TMEM63A: variants seen among roughly 807,000 people sequenced by gnomAD.
TMEM63A encodes the protein transmembrane protein 63A, also known as mechanosensitive cation channel TMEM63A.
Under a neutral mutation model 100.6 loss-of-function variants are expected in TMEM63A, and 76 were observed. The ratio of observed to expected loss-of-function variants is 0.76; its 90% CI spans 0.63 to 0.91. The LOEUF (loss-of-function observed/expected upper bound fraction) is 0.91. Among genes scored for constraint, TMEM63A ranks in the 40% least tolerant of loss-of-function variants. TMEM63A has a pLI of 0.00. For synonymous variants in TMEM63A, 401 were observed against 401.1 expected (o/e 1.00, Z 0.00); for missense variants, 876 against 1,008.8 (o/e 0.87, Z 1.78).
In TMEM63A at chr1:225,847,227, G is replaced by A. The variant is rs757048140; in HGVS notation, c.2251-14C>T. ...AGGCACGTAGGGCTGTCAGCAAATG[G>A]ATTTGTGCTTGGCCTGGACAGGCAT... On this transcript the variant is annotated splice_polypyrimidine_tract_variant and intron_variant, in intron 23 of 24. Coordinates refer to ENST00000366835, the MANE Select transcript of TMEM63A (RefSeq NM_014698.3). 6.2e-7 allele frequency: 1 copy of A among 1,611,180 alleles called. No individual in the cohort carries two copies. The highest frequency in any genetic ancestry group is 2.2e-5 in the East Asian group (1 of 44,824).
chr1:225,881,581 T>G, intron 1 of TMEM63A, among the ~76,000 whole-genome samples: 1 of 152,080 alleles, frequency 6.6e-6, no homozygotes, highest in East Asian at 1.9e-4. Context: ...CATATCCCCC[T>G]TGAAGGCACA....
At position 225,847,124 on chromosome 1, in the gene TMEM63A, G is replaced by C. The variant is rs751823909; in HGVS notation, c.2340C>G (p.Ile780Met). ...CAGGGATAGTCCCGCTGATGTTGTG[G>C]ATGGCACCATAGGTCTGCTGCTGCT... Reference protein sequence around the residue: ...QQQQQQTYGAIHNISGTIPGQ... With the variant: ...QQQQQQTYGAMHNISGTIPGQ... The change falls in exon 24 of 25, where the codon ATC becomes ATG. Residue 780 changes from isoleucine to methionine, a missense_variant. Physicochemically the swap from Ile to Met is conservative, Grantham distance 10 (BLOSUM62 1). Around this residue, in one of 5 missense-constraint regions of TMEM63A, gnomAD observed 339 missense variants for 342.3 expected, o/e 0.99. Coordinates refer to ENST00000366835, the MANE Select transcript of TMEM63A (RefSeq NM_014698.3). The C allele has an allele frequency of 4.0e-5, 64 of 1,613,638 alleles. No individual in the cohort carries two copies. Among genetic ancestry groups the C allele is most frequent in the Non-Finnish European group, 5.2e-5 (61 of 1,179,962 alleles).
rs1198035270 is a variant in TMEM63A at position 225,852,740 on chromosome 1, G to C, written c.1827C>G (p.Ala609=). 6.2e-7 allele frequency: 1 copy of C among 1,613,944 alleles called. No homozygotes were observed. Among genetic ancestry groups the C allele is most frequent in the Admixed American group, 1.7e-5 (1 of 59,996 alleles). ...AGACACACAGCATCCATGCATACAT[G>C]GCTCCAAACTCGTACTGGAAGGCCT... is the stretch of plus-strand genomic sequence containing the variant. The part of the protein sequence containing the change: ...QNQAFQYEFG[A]MYAWMLCVFT... Residue 609 remains alanine, a synonymous_variant, in exon 20 of 25, where the codon GCC becomes GCG. Coordinates refer to ENST00000366835, the MANE Select transcript of TMEM63A (RefSeq NM_014698.3).
Position 225,857,012 on chromosome 1 carries a change from C to A in TMEM63A, c.1383G>T (p.Pro461=), listed in dbSNP as rs369970031. 1 of 1,581,078 alleles carries A rather than the reference C, an allele frequency of 6.3e-7. No homozygotes were observed. Among genetic ancestry groups the A allele is most frequent in the Non-Finnish European group, 8.5e-7 (1 of 1,169,710 alleles). ...VTKPIHALNN[P]IISQFFPTLL... is the part of the protein sequence containing the mutation. ...GGGTGGGGAAGAACTGGCTGATGAT[C>A]GGGTTCTAGGAGAAAGGTCCACAGC... Residue 461 remains proline (P), a synonymous_variant, in exon 16 of 25, where the codon CCG becomes CCT. Transcript: ENST00000366835.
chr1:225,842,056 G>A (rs1185266654), downstream of TMEM63A, among the ~76,000 whole-genome samples: 1 of 152,254 alleles, frequency 6.6e-6, no homozygotes, highest in African/African-American at 2.4e-5. Context: ...TTTAAAAACA[G>A]CACTTCTCAT....
chr1:225,872,834 CA>C (rs1157889527), intron 4 of TMEM63A, among the ~76,000 whole-genome samples: 1 of 151,806 alleles, frequency 6.6e-6, no homozygotes, highest in Non-Finnish European at 1.5e-5. Flanking sequence ...GCTGGGCTTA[CA>C]GGCACCCGCC....
chr1:225,869,666 C>CTTTTCTTTTTTTTTTTTTTTTTT (rs76862516), intron 6 of TMEM63A, among the ~76,000 whole-genome samples: 11 of 109,898 alleles, frequency 1.0e-4, no homozygotes, highest in Non-Finnish European at 1.4e-4. Flanking sequence ...CTTTTCTTTT[C>CTTTTCTTTTTTTTTTTTTTTTTT]TTTTTTTTTT....
intron 3 of TMEM63A, among the ~76,000 whole-genome samples, chr1:225,875,394 C>T (rs1397018990): frequency 1.3e-5 from 2 of 152,212 alleles, no homozygotes; most frequent in Non-Finnish European, 2.9e-5. Flanking sequence ...GACAGGGTCC[C>T]TCTCTTTGAG....
intron 17 of TMEM63A, 33 bp from the exon 18 acceptor site, chr1:225,855,973 T>C: frequency 6.2e-7 from 1 of 1,604,800 alleles, no homozygotes; most frequent in Non-Finnish European, 8.5e-7. Flanking sequence ...AAGAGTTTAT[T>C]TCCAGCATTC....
At chr1:225,871,952 C>G in intron 5 of TMEM63A, 35 bp downstream of exon 5, 1 of 1,550,774 alleles carries the variant, frequency 6.4e-7, no homozygotes, top group African/African-American at 1.4e-5. Context: ...TCCCCACCCC[C>G]TGGCCATGAC....
chr1:225,851,190 G>T (rs1049163312), intron 20 of TMEM63A, among the ~76,000 whole-genome samples: 1 of 152,050 alleles, frequency 6.6e-6, no homozygotes, highest in Non-Finnish European at 1.5e-5. Context: ...CCCATGCTGA[G>T]CCCCTGTATG....
rs371169629 is a variant in TMEM63A, at chr1:225,847,074, G to A, written c.2390C>T (p.Thr797Met). Residue 797 changes from threonine (T) to methionine (M), a missense_variant, in exon 24 of 25, where the codon ACG (threonine) becomes ATG (methionine). By Grantham distance (81) the Thr-to-Met change is moderately conservative. Around this residue, in one of 5 missense-constraint regions of TMEM63A, gnomAD observed 339 missense variants for 342.3 expected, o/e 0.99. Coordinates refer to ENST00000366835, the MANE Select transcript of TMEM63A (RefSeq NM_014698.3). ...CTGGGGGGCAGCAGCCACACTGCCC[G>A]TGGCGCTCTGCGCCAAGCACTGTCC... ...IPGQCLAQSA[T>M]GSVAAAPQEA The A allele has an allele frequency of 1.2e-4, 189 of 1,613,256 alleles. No homozygotes were observed. Among genetic ancestry groups the A allele is most frequent in the Admixed American group, 4.3e-4 (26 of 59,982 alleles).
At chr1:225,848,692 TG>T in intron 22 of TMEM63A, 138 bp from the exon 23 acceptor site, 1 of 989,214 alleles carries the variant, frequency 1.0e-6, no homozygotes, top group East Asian at 2.6e-5. Flanking sequence ...CGAGAGAGGA[TG>T]GGGTGGGGGA....
chr1:225,847,271 C>T, intron 23 of TMEM63A, 58 bp from the exon 24 acceptor site: 1 of 1,570,534 alleles, frequency 6.4e-7, no homozygotes, highest in Non-Finnish European at 8.7e-7. Flanking sequence ...ACACTGCATC[C>T]CTCCCCTCCT....
At chr1:225,875,602 G>C (rs1208168615) in intron 3 of TMEM63A, among the ~76,000 whole-genome samples, 1 of 152,182 alleles carries the variant, frequency 6.6e-6, no homozygotes, top group Non-Finnish European at 1.5e-5. Context: ...GGTGAGTCAT[G>C]TTGTAGGAAA....
intron 15 of TMEM63A, among the ~76,000 whole-genome samples, chr1:225,857,388 G>GTT (rs1669688310): frequency 7.5e-6 from 1 of 134,076 alleles, no homozygotes; most frequent in Non-Finnish European, 1.6e-5. Flanking sequence ...GCGGGGCGGG[G>GTT]GGGGGGGGGT....
At chr1:225,877,948 G>A (rs1331650096) in intron 2 of TMEM63A, among the ~76,000 whole-genome samples, 2 of 152,226 alleles carry the variant, frequency 1.3e-5, no homozygotes, top group Admixed American at 1.3e-4. Flanking sequence ...GAGGACTCGT[G>A]TTGGGAAAGT....
intron 19 of TMEM63A, 144 bp from the exon 20 acceptor site, chr1:225,852,913 C>T: frequency 1.4e-6 from 1 of 691,248 alleles, no homozygotes; most frequent in Non-Finnish European, 2.6e-6. Context: ...CAAGGTCCTT[C>T]CCATCCCTCC....
At chr1:225,856,518 C>T in intron 17 of TMEM63A, 134 bp downstream of exon 17, 1 of 795,958 alleles carries the variant, frequency 1.3e-6, no homozygotes, top group East Asian at 2.8e-5. Context: ...CTACTGCACG[C>T]CGAGTGGTTG....
Sources: allele counts gnomAD v4.1 joint callset (sites outside exome capture counted in the v4.1 genomes callset), GRCh38; gene constraint gnomAD v4.1.1; regional missense constraint gnomAD v4.1.1; transcripts MANE v1.5; gene names NCBI Gene and HGNC (gene_info 2026-07-23, HGNC 2026-07-21).